Variants in SGCZ observed in about 807,000 individuals in gnomAD.
The protein encoded by SGCZ is sarcoglycan zeta, also known as zeta-sarcoglycan.
In SGCZ, 40 loss-of-function variants were observed where a neutral mutation model predicts 41.3. The ratio of observed to expected loss-of-function variants is 0.97; its 90% CI spans 0.75 to 1.26. SGCZ has a LOEUF of 1.26. Ranked by LOEUF, SGCZ falls within the 50% of genes most tolerant of loss-of-function variation. The pLI is 0.00. For synonymous variants in SGCZ, 206 were observed against 137.5 expected (o/e 1.50, Z -3.49); for missense variants, 552 against 369.8 (o/e 1.49, Z -4.04).
chr8:14,894,664 A>G (rs1805129081), intron 1 of SGCZ, among the ~76,000 whole-genome samples: 1 of 152,222 alleles, frequency 6.6e-6, no homozygotes, highest in Non-Finnish European at 1.5e-5. Flanking sequence ...CAGATGAACC[A>G]AAAGAAAGTT....
intron 2 of SGCZ, among the ~76,000 whole-genome samples, chr8:14,412,791 T>C (rs1799396167): frequency 1.3e-5 from 2 of 152,030 alleles, no homozygotes; most frequent in Non-Finnish European, 2.9e-5. Context: ...TAGCAGCAAC[T>C]ATAAGGATGG....
At chr8:14,978,563 G>A (rs1441058335) in intron 1 of SGCZ, among the ~76,000 whole-genome samples, 2 of 141,626 alleles carry the variant, frequency 1.4e-5, no homozygotes, top group Non-Finnish European at 3.0e-5. Flanking sequence ...AGAGACTTTT[G>A]CTTGATCTTG....
intron 1 of SGCZ, among the ~76,000 whole-genome samples, chr8:15,019,948 G>C (rs933046707): frequency 4.0e-5 from 6 of 150,998 alleles, no homozygotes; most frequent in South Asian, 2.1e-4. Context: ...TGGAGACTTA[G>C]AATCATCATT....
intron 5 of SGCZ, among the ~76,000 whole-genome samples, chr8:14,122,990 C>A (rs910756900): frequency 8.5e-5 from 13 of 152,150 alleles, no homozygotes; most frequent in Admixed American, 5.2e-4. Context: ...TAAAGTGAAT[C>A]TTTTTAGTCA....
intron 1 of SGCZ, among the ~76,000 whole-genome samples, chr8:15,114,769 T>A (rs76558633): frequency 1.3e-5 from 2 of 151,576 alleles, no homozygotes; most frequent in East Asian, 3.9e-4. Flanking sequence ...TTTTTTTTTT[T>A]CAGTTTCTCA....
At chr8:15,012,341 T>C (rs1279161817) in intron 1 of SGCZ, among the ~76,000 whole-genome samples, 1 of 151,252 alleles carries the variant, frequency 6.6e-6, no homozygotes, top group Non-Finnish European at 1.5e-5. Flanking sequence ...CATATGCCTA[T>C]AGTCCTAGTT....
At chr8:14,416,463 G>T (rs553734464) in intron 2 of SGCZ, among the ~76,000 whole-genome samples, 1 of 151,984 alleles carries the variant, frequency 6.6e-6, no homozygotes, top group African/African-American at 2.4e-5. Context: ...GCCTACAACT[G>T]CACCCATGAA....
At chr8:14,432,458 C>A (rs1188709425) in intron 2 of SGCZ, among the ~76,000 whole-genome samples, 1 of 152,158 alleles carries the variant, frequency 6.6e-6, no homozygotes. Context: ...TGCTCTCATT[C>A]ATAAATGGGA....
chr8:14,131,657 G>C (rs987582726), intron 5 of SGCZ, among the ~76,000 whole-genome samples: 2 of 152,082 alleles, frequency 1.3e-5, no homozygotes, highest in South Asian at 2.1e-4. Flanking sequence ...TTCTTGGACA[G>C]GCATATGCAC....
chr8:14,927,774 G>T (rs1205500330), intron 1 of SGCZ, among the ~76,000 whole-genome samples: 2 of 152,102 alleles, frequency 1.3e-5, no homozygotes, highest in Non-Finnish European at 2.9e-5. Context: ...GACTCGGCAT[G>T]GTCTTGCCTT....
intron 1 of SGCZ, among the ~76,000 whole-genome samples, chr8:14,893,671 A>G (rs1805100474): frequency 6.6e-6 from 1 of 152,220 alleles, no homozygotes; most frequent in Non-Finnish European, 1.5e-5. Flanking sequence ...TGTCTCACAC[A>G]ACAGACACTA....
intron 1 of SGCZ, among the ~76,000 whole-genome samples, chr8:15,062,170 C>T (rs1804962940): frequency 6.6e-6 from 1 of 152,028 alleles, no homozygotes; most frequent in Non-Finnish European, 1.5e-5. Context: ...TTTATAAGAA[C>T]TACTCTCACT....
intron 1 of SGCZ, among the ~76,000 whole-genome samples, chr8:14,843,811 C>G (rs538949900): frequency 6.6e-6 from 1 of 152,024 alleles, no homozygotes; most frequent in East Asian, 1.9e-4. Context: ...ATTGCCTTAT[C>G]TAATTTTAAG....
chr8:14,777,494 G>A (rs1297663150), intron 1 of SGCZ, among the ~76,000 whole-genome samples: 2 of 152,100 alleles, frequency 1.3e-5, no homozygotes, highest in African/African-American at 4.8e-5. Context: ...TAGAAATCCA[G>A]TTTGCCTTTT....
At chr8:14,915,098 C>G (rs553031859) in intron 1 of SGCZ, among the ~76,000 whole-genome samples, 1 of 152,228 alleles carries the variant, frequency 6.6e-6, no homozygotes, top group African/African-American at 2.4e-5. Context: ...TTTTTCTACC[C>G]TCTTTCATGA....
chr8:14,960,945 A>G (rs1312100381), intron 1 of SGCZ, among the ~76,000 whole-genome samples: 1 of 147,244 alleles, frequency 6.8e-6, no homozygotes, highest in African/African-American at 2.6e-5. Context: ...ACACACACAC[A>G]CACACACACA....
At chr8:15,163,970 T>C (rs1799583117) in intron 1 of SGCZ, among the ~76,000 whole-genome samples, 1 of 152,206 alleles carries the variant, frequency 6.6e-6, no homozygotes, top group Non-Finnish European at 1.5e-5. Flanking sequence ...GGAAGGAGGC[T>C]GGCCTCTCCG....
At chr8:14,456,707 T>C (rs1385244189) in intron 2 of SGCZ, among the ~76,000 whole-genome samples, 1 of 152,150 alleles carries the variant, frequency 6.6e-6, no homozygotes, top group African/African-American at 2.4e-5. Context: ...ATACATGGGA[T>C]ATAGTTTGAA....
chr8:14,611,500 T>C (rs1417250243), intron 1 of SGCZ, among the ~76,000 whole-genome samples: 1 of 152,154 alleles, frequency 6.6e-6, no homozygotes, highest in Non-Finnish European at 1.5e-5. Flanking sequence ...TACAAATCAA[T>C]AATCAGTAAT....
Sources: gnomAD v4.1 joint callset for allele counts (sites outside exome capture counted in the v4.1 genomes callset) on GRCh38, gnomAD v4.1.1 for gene constraint, MANE v1.5 for transcripts, NCBI Gene and HGNC (gene_info 2026-07-23, HGNC 2026-07-21) for gene names.